The following PHF20 variants were observed in gnomAD, a reference collection of about 807,000 sequenced individuals.
PHF20 encodes the protein glioma-expressed antigen 2.
A neutral mutation model predicts 113.5 loss-of-function variants in PHF20; 23 were observed. The observed-to-expected ratio is 0.20, with a 90% confidence interval of 0.15 to 0.29. The LOEUF is 0.29. PHF20 is among the 10% of genes least tolerant of loss of function. The probability of loss-of-function intolerance (pLI) is 1.00; values close to 1 mark genes in which losing one functional copy is unlikely to be tolerated. For missense variants in PHF20, 943 were observed against 1,219.6 expected, an observed-to-expected ratio of 0.77 and a Z score of 3.38; for synonymous variants, 434 against 457.3, an observed-to-expected ratio of 0.95 and a Z score of 0.65.
At chr20:35,814,922 A>G (rs918669001) in intron 2 of PHF20, among the ~76,000 whole-genome samples, 2 of 151,034 alleles carry the variant, frequency 1.3e-5, no homozygotes, top group African/African-American at 2.4e-5. Flanking sequence ...TAGGCCATGC[A>G]TAGTAGCTCA....
At chr20:35,875,398 A>C (rs970478972) in intron 9 of PHF20, among the ~76,000 whole-genome samples, 23 of 138,518 alleles carry the variant, frequency 1.7e-4, no homozygotes, top group African/African-American at 6.9e-4. Context: ...ATTCCATCTC[A>C]AAAAAGAAAA....
chr20:35,865,244 TCATGCCAG>T (rs1167166822), intron 6 of PHF20, among the ~76,000 whole-genome samples: 1 of 151,950 alleles, frequency 6.6e-6, no homozygotes, highest in Non-Finnish European at 1.5e-5. Context: ...ATCCCTGTAA[TCATGCCAG>T]CACTTTGGGA....
intron 10 of PHF20, among the ~76,000 whole-genome samples, chr20:35,909,855 A>G (rs1353229320): frequency 6.6e-6 from 1 of 152,186 alleles, no homozygotes; most frequent in Admixed American, 6.5e-5. Flanking sequence ...CAGAGGAGAC[A>G]TGGTGCTGGA....
At chr20:35,790,208 C>CT (rs72117236) in intron 1 of PHF20, among the ~76,000 whole-genome samples, 81 of 145,944 alleles carry the variant, frequency 5.6e-4, no homozygotes, top group Middle Eastern at 7.1e-3. Flanking sequence ...TGCTAAATAA[C>CT]TTTTTTTTTT....
intron 2 of PHF20, among the ~76,000 whole-genome samples, chr20:35,831,311 C>T (rs1021609680): frequency 2.6e-5 from 4 of 152,092 alleles, no homozygotes; most frequent in Non-Finnish European, 5.9e-5. Context: ...AGGCATGCAT[C>T]ACCACATCTG....
chr20:35,911,820 G>A (rs1398546378), intron 10 of PHF20, among the ~76,000 whole-genome samples: 1 of 151,104 alleles, frequency 6.6e-6, no homozygotes, highest in East Asian at 2.0e-4. Context: ...CACCACGCCT[G>A]ACTAATTTTT....
At chr20:35,788,622 G>T (rs980145986) in intron 1 of PHF20, among the ~76,000 whole-genome samples, 3 of 152,014 alleles carry the variant, frequency 2.0e-5, no homozygotes, top group Non-Finnish European at 1.5e-5. Context: ...CTGTTGCCCA[G>T]GCTGGAGTGC....
intron 3 of PHF20, among the ~76,000 whole-genome samples, chr20:35,844,417 G>GTT (rs1491291994): frequency 7.8e-6 from 1 of 127,750 alleles, no homozygotes. Context: ...TTTTTTTTTG[G>GTT]TTTTTTTTTT....
chr20:35,937,748 A>G (rs1360438437), intron 15 of PHF20, among the ~76,000 whole-genome samples: 1 of 152,208 alleles, frequency 6.6e-6, no homozygotes, highest in African/African-American at 2.4e-5. Context: ...AAAGAAATAT[A>G]TTTTGGGGTA....
chr20:35,773,121 G>A (rs1470308048), intron 1 of PHF20, among the ~76,000 whole-genome samples: 1 of 152,118 alleles, frequency 6.6e-6, no homozygotes, highest in Non-Finnish European at 1.5e-5. Context: ...TCATATCTGG[G>A]AGTATATTTG....
At chr20:35,861,421 T>C (rs1013546389) in intron 5 of PHF20, among the ~76,000 whole-genome samples, 2 of 152,218 alleles carry the variant, frequency 1.3e-5, no homozygotes, top group African/African-American at 4.8e-5. Flanking sequence ...TTTTCAAAAT[T>C]GGAGTTGTGG....
intron 1 of PHF20, among the ~76,000 whole-genome samples, chr20:35,788,109 T>G (rs2041460833): frequency 6.6e-6 from 1 of 151,332 alleles, no homozygotes; most frequent in African/African-American, 2.4e-5. Context: ...TATTTATTTA[T>G]TTTTTGAGAC....
chr20:35,864,594 A>G (rs932041622), intron 6 of PHF20, among the ~76,000 whole-genome samples: 2 of 152,188 alleles, frequency 1.3e-5, no homozygotes, highest in African/African-American at 4.8e-5. Context: ...CTTACTTCAC[A>G]TAAGTGTATT....
intron 2 of PHF20, among the ~76,000 whole-genome samples, chr20:35,802,847 G>C (rs2041806193): frequency 6.6e-6 from 1 of 151,044 alleles, no homozygotes; most frequent in Non-Finnish European, 1.5e-5. Flanking sequence ...GCTGAGCCAG[G>C]AGAATTGCTT....
intron 2 of PHF20, among the ~76,000 whole-genome samples, chr20:35,823,848 CT>C (rs1392371601): frequency 1.3e-5 from 2 of 152,098 alleles, no homozygotes; most frequent in Non-Finnish European, 2.9e-5. Context: ...TTGGATTTGG[CT>C]TCTTAAACTT....
intron 17 of PHF20, among the ~76,000 whole-genome samples, chr20:35,942,637 G>A (rs1455669634): frequency 2.0e-5 from 3 of 152,128 alleles, no homozygotes; most frequent in Non-Finnish European, 4.4e-5. Context: ...CTAATTCAGA[G>A]CCACATATTC....
intron 2 of PHF20, chr20:35,838,390 A>G (rs1490244297): frequency 6.6e-6 from 1 of 152,090 alleles, no homozygotes; most frequent in Non-Finnish European, 1.5e-5. Flanking sequence ...TCCGGGAGGC[A>G]AACCGGGTTA....
At chr20:35,899,081 T>TTTATC (rs2055045079) in intron 9 of PHF20, among the ~76,000 whole-genome samples, 1 of 152,120 alleles carries the variant, frequency 6.6e-6, no homozygotes, top group African/African-American at 2.4e-5. Flanking sequence ...TATTTTTATC[T>TTTATC]TTTTAAGGAT....
chr20:35,794,000 A>AAAAAAAAAAAAAAAC (rs2041615567), intron 1 of PHF20, among the ~76,000 whole-genome samples: 1 of 140,100 alleles, frequency 7.1e-6, no homozygotes, highest in Non-Finnish European at 1.6e-5. Flanking sequence ...TGTCTCAAAA[A>AAAAAAAAAAAAAAAC]AAAAAAAAAA....
Sources: gnomAD v4.1 joint callset for allele counts (sites outside exome capture counted in the v4.1 genomes callset) on GRCh38, gnomAD v4.1.1 for gene constraint, MANE v1.5 for transcripts, NCBI Gene and HGNC (gene_info 2026-07-23, HGNC 2026-07-21) for gene names.